ROBO2: variants seen among roughly 807,000 people sequenced by gnomAD.
The protein encoded by ROBO2 is roundabout guidance receptor 2, also known as roundabout homolog 2.
In ROBO2, 53 loss-of-function variants were observed where a neutral mutation model predicts 160.8. That is an observed-to-expected ratio of 0.33 (90% CI 0.26 to 0.41). The LOEUF is 0.41. Among genes scored for constraint, ROBO2 ranks in the 10% least tolerant of loss-of-function variants. ROBO2 has a pLI of 1.00. For missense variants in ROBO2, 1,577 were observed against 1,722.4 expected (o/e 0.92, Z 1.49); for synonymous variants, 664 against 611.7 (o/e 1.09, Z -1.26).
chr3:77,038,715 G>T (rs1316663176), upstream of ROBO2, among the ~76,000 whole-genome samples: 1 of 152,100 alleles, frequency 6.6e-6, no homozygotes, highest in Non-Finnish European at 1.5e-5. Flanking sequence ...CGGCCGCACC[G>T]GGGCACCGCC....
chr3:77,330,213 T>C (rs13080751), intron 2 of ROBO2, among the ~76,000 whole-genome samples: 30,744 of 152,154 alleles, frequency 0.2, 3,201 homozygotes, highest in East Asian at 0.25. Flanking sequence ...CAATATGTTG[T>C]TAAAGATTTT....
At chr3:76,275,180 G>A (rs915404052) in intron 2 of ROBO2, among the ~76,000 whole-genome samples, 4 of 152,158 alleles carry the variant, frequency 2.6e-5, no homozygotes, top group Admixed American at 6.6e-5. Flanking sequence ...ATAATATCAG[G>A]TGAATTCAAA....
At chr3:77,537,332 A>G (rs1157060969) in intron 6 of ROBO2, among the ~76,000 whole-genome samples, 1 of 152,158 alleles carries the variant, frequency 6.6e-6, no homozygotes. Context: ...TAATCTCACC[A>G]TCAACAAATT....
chr3:76,906,910 T>C (rs1359096421), intron 2 of ROBO2, among the ~76,000 whole-genome samples: 2 of 152,192 alleles, frequency 1.3e-5, no homozygotes, highest in African/African-American at 2.4e-5. Context: ...GATCCATTTA[T>C]AATTCTGAAT....
intron 2 of ROBO2, among the ~76,000 whole-genome samples, chr3:76,539,118 C>G (rs944888047): frequency 4.6e-5 from 7 of 152,122 alleles, no homozygotes; most frequent in African/African-American, 1.7e-4. Context: ...ACTGCACGTT[C>G]TCACTCATAA....
chr3:77,380,386 T>A (rs1048551799), intron 2 of ROBO2, among the ~76,000 whole-genome samples: 1 of 152,128 alleles, frequency 6.6e-6, no homozygotes, highest in Admixed American at 6.5e-5. Context: ...CTCTCTGTCA[T>A]ATGGAAAGAG....
intron 2 of ROBO2, among the ~76,000 whole-genome samples, chr3:76,326,697 C>T (rs1347437891): frequency 1.3e-5 from 2 of 150,996 alleles, no homozygotes; most frequent in Admixed American, 6.6e-5. Context: ...TATACATGTG[C>T]CATGCTGGTG....
At chr3:76,224,176 G>T (rs1253195783) in intron 2 of ROBO2, among the ~76,000 whole-genome samples, 5 of 152,204 alleles carry the variant, frequency 3.3e-5, no homozygotes, top group African/African-American at 1.2e-4. Flanking sequence ...TTGGTACCAA[G>T]AGGGGTTCTA....
At chr3:76,450,575 T>C (rs1401299572) in intron 2 of ROBO2, among the ~76,000 whole-genome samples, 1 of 152,138 alleles carries the variant, frequency 6.6e-6, no homozygotes, top group African/African-American at 2.4e-5. Context: ...CTCATCCTCT[T>C]GAGTAGCTGG....
intron 2 of ROBO2, among the ~76,000 whole-genome samples, chr3:76,413,320 G>A (rs1399222736): frequency 6.6e-6 from 1 of 152,174 alleles, no homozygotes; most frequent in African/African-American, 2.4e-5. Context: ...GTCACCAAAT[G>A]CTATGGACTC....
At chr3:77,264,317 ATTT>A (rs1305755695) in intron 2 of ROBO2, among the ~76,000 whole-genome samples, 2 of 152,132 alleles carry the variant, frequency 1.3e-5, no homozygotes, top group Non-Finnish European at 2.9e-5. Flanking sequence ...TGTTGGTCTT[ATTT>A]TTTTAACAAC....
chr3:77,513,979 T>C (rs1198572676), intron 5 of ROBO2, among the ~76,000 whole-genome samples: 3 of 151,842 alleles, frequency 2.0e-5, no homozygotes, highest in African/African-American at 7.2e-5. Flanking sequence ...AGTCAAAGAC[T>C]AGCAGATTTC....
intron 2 of ROBO2, among the ~76,000 whole-genome samples, chr3:76,749,449 C>A (rs1279059596): frequency 6.6e-6 from 1 of 151,846 alleles, no homozygotes; most frequent in Non-Finnish European, 1.5e-5. Flanking sequence ...TAAAAGATAT[C>A]AGAGAGCTTT....
intron 2 of ROBO2, among the ~76,000 whole-genome samples, chr3:76,989,994 C>A (rs72902047): frequency 8.4e-4 from 128 of 152,104 alleles, no homozygotes; most frequent in African/African-American, 2.9e-3. Context: ...ATGTTTTAGA[C>A]CTTGAGATCT....
intron 2 of ROBO2, among the ~76,000 whole-genome samples, chr3:77,177,041 C>T (rs2080229558): frequency 6.6e-6 from 1 of 151,730 alleles, no homozygotes; most frequent in Admixed American, 6.6e-5. Context: ...ATGGAAAAAA[C>T]ACAAAAGTAG....
At chr3:77,075,992 A>G (rs2067959189) in intron 1 of ROBO2, among the ~76,000 whole-genome samples, 1 of 151,770 alleles carries the variant, frequency 6.6e-6, no homozygotes, top group Admixed American at 6.6e-5. Flanking sequence ...TACTACATAC[A>G]TACTATTTCT....
chr3:76,518,186 G>T (rs527712077), intron 2 of ROBO2, among the ~76,000 whole-genome samples: 7 of 152,092 alleles, frequency 4.6e-5, no homozygotes, highest in Non-Finnish European at 8.8e-5. Flanking sequence ...TTTTGAGAAG[G>T]CAGTCCACAA....
intron 8 of ROBO2, among the ~76,000 whole-genome samples, chr3:77,556,553 T>C (rs2093129235): frequency 6.6e-6 from 1 of 151,890 alleles, no homozygotes; most frequent in Non-Finnish European, 1.5e-5. Context: ...CTTTAATCTT[T>C]TGTTCCCTAA....
chr3:77,570,515 A>G (rs1418504293), intron 13 of ROBO2, among the ~76,000 whole-genome samples: 4 of 151,964 alleles, frequency 2.6e-5, no homozygotes, highest in Non-Finnish European at 4.4e-5. Context: ...TGAATGATCA[A>G]ATCAGTTGTT....
Sources: allele counts gnomAD v4.1 joint callset (sites outside exome capture counted in the v4.1 genomes callset), GRCh38; gene constraint gnomAD v4.1.1; transcripts MANE v1.5; gene names NCBI Gene and HGNC (gene_info 2026-07-23, HGNC 2026-07-21).